SUN3: variants seen among roughly 807,000 people sequenced by gnomAD.
SUN3 encodes the protein SUN domain-containing protein 3.
A neutral mutation model predicts 48.2 loss-of-function variants in SUN3; 36 were observed. The observed-to-expected ratio is 0.75, with a 90% CI of 0.57 to 0.99. SUN3 has a LOEUF of 0.99. SUN3 is among the 50% of genes least tolerant of loss of function. SUN3 has a pLI of 0.00. For synonymous variants in SUN3, 148 were observed against 147.9 expected (o/e 1.00, Z 0.00); for missense variants, 419 against 433.1 (o/e 0.97, Z 0.29).
chr7:48,005,362 T>A (rs926546797), intron 6 of SUN3, among the ~76,000 whole-genome samples: 8 of 152,198 alleles, frequency 5.3e-5, no homozygotes, highest in African/African-American at 1.4e-4. Flanking sequence ...GAAATTTATT[T>A]CCCTGGCGTA....
intron 5 of SUN3, among the ~76,000 whole-genome samples, chr7:48,006,504 C>G (rs964325025): frequency 3.3e-5 from 5 of 152,112 alleles, no homozygotes; most frequent in African/African-American, 1.2e-4. Flanking sequence ...CATTTTTCAC[C>G]CAGTCTAATT....
intron 6 of SUN3, among the ~76,000 whole-genome samples, chr7:47,997,914 G>A (rs897869199): frequency 1.3e-5 from 2 of 152,202 alleles, no homozygotes; most frequent in Admixed American, 6.5e-5. Context: ...ATGAGTATCA[G>A]AAGTTCCTTC....
intron 2 of SUN3, 106 bp from the exon 3 acceptor site, chr7:48,017,471 T>C: frequency 1.5e-6 from 1 of 683,406 alleles, no homozygotes; most frequent in Non-Finnish European, 2.5e-6. Flanking sequence ...ATGTATACTC[T>C]TAAGAATATC....
chr7:48,026,087 A>G (rs967749935), intron 1 of SUN3, 149 bp from the exon 2 acceptor site: 2 of 614,052 alleles, frequency 3.3e-6, no homozygotes, highest in African/African-American at 3.7e-5. Flanking sequence ...TTAATTTCCA[A>G]TCCACTATTT....
At chr7:48,015,431 G>T (rs1408338477) in intron 3 of SUN3, among the ~76,000 whole-genome samples, 1 of 152,180 alleles carries the variant, frequency 6.6e-6, no homozygotes, top group Non-Finnish European at 1.5e-5. Flanking sequence ...TTCCTCACTG[G>T]ACTGGAATGC....
chr7:47,990,620 A>AG (rs1304121333), intron 8 of SUN3, among the ~76,000 whole-genome samples: 3 of 151,834 alleles, frequency 2.0e-5, no homozygotes, highest in African/African-American at 7.3e-5. Flanking sequence ...ACAGGTGGGG[A>AG]GGGGCAGGCC....
At chr7:48,017,502 G>A (rs1264383442) in intron 2 of SUN3, 137 bp from the exon 3 acceptor site, 3 of 627,204 alleles carry the variant, frequency 4.8e-6, no homozygotes, top group Non-Finnish European at 8.4e-6. Context: ...GTGACATCAT[G>A]GAAAATGGTG....
chr7:48,004,472 C>T (rs1000651868), intron 6 of SUN3, among the ~76,000 whole-genome samples: 1 of 152,190 alleles, frequency 6.6e-6, no homozygotes, highest in African/African-American at 2.4e-5. Flanking sequence ...AGGGGTTAGT[C>T]CAAGACTTGA....
At chr7:48,009,112 C>T in intron 3 of SUN3, 37 bp from the exon 4 acceptor site, 1 of 1,587,344 alleles carries the variant, frequency 6.3e-7, no homozygotes. Flanking sequence ...ATTCTGAATT[C>T]TGCTTATTCA....
At chr7:48,028,791 C>T (rs1007404046) in intron 1 of SUN3, 26 bp downstream of exon 1, 1 of 1,609,226 alleles carries the variant, frequency 6.2e-7, no homozygotes, top group South Asian at 1.1e-5. Context: ...CAATTTCAGG[C>T]ACACCGTTCT....
the SUN3 span, among the ~76,000 whole-genome samples, chr7:48,034,181 A>G: frequency 2.6e-5 from 4 of 152,262 alleles, no homozygotes; most frequent in African/African-American, 9.6e-5. Flanking sequence ...ATGCAGTGGA[A>G]CAAACATTTG....
chr7:47,988,926 G>A (rs1788973881), intron 8 of SUN3, 46 bp from the exon 9 acceptor site: 2 of 1,136,768 alleles, frequency 1.8e-6, no homozygotes, highest in Non-Finnish European at 2.6e-6. Context: ...AATGGATGCA[G>A]TTGTGTTTTC....
chr7:48,035,524 C>A, the SUN3 span: 24 of 697,722 alleles, frequency 3.4e-5, no homozygotes, highest in South Asian at 3.3e-4. The surrounding 1 kb of genome is among the most constrained non-coding windows in gnomAD (Gnocchi z 4.0). Context: ...GTTGTGGTTC[C>A]GCGGCGCGCT....
intron 1 of SUN3, 21 bp from the exon 2 acceptor site, chr7:48,025,959 AT>A: frequency 6.5e-7 from 1 of 1,541,886 alleles, no homozygotes; most frequent in Non-Finnish European, 8.9e-7. Flanking sequence ...AAAAACAATG[AT>A]TAGAAAAAGA....
intron 2 of SUN3, among the ~76,000 whole-genome samples, chr7:48,021,819 G>A (rs149550148): frequency 3.3e-4 from 50 of 152,254 alleles, no homozygotes; most frequent in African/African-American, 8.9e-4. Flanking sequence ...TACACTGTTG[G>A]TGGGAATGTA....
rs572755981 is a variant in SUN3, at chr7:48,010,652, C to CT, written c.289-1578dup. Among the ~76,000 whole-genome samples, 53 of 152,264 alleles carry CT rather than the reference C, an allele frequency of 3.5e-4. 1 individual carries two copies. The highest frequency in any genetic ancestry group is 2.3e-3 in the Admixed American group (35 of 15,294). On this transcript the variant is annotated intron_variant, in intron 3 of 9. Coordinates refer to ENST00000297325, the MANE Select transcript of SUN3 (RefSeq NM_001030019.2). ...AATTTGTCTCATCCACATACTCTCCCTGCCAGGTTGGGAAGCAGACACCTC... is the reference window on the plus strand; with the variant it reads ...AATTTGTCTCATCCACATACTCTCCCTTGCCAGGTTGGGAAGCAGACACCTC...
At chr7:48,005,194 T>A (rs10951940) in intron 6 of SUN3, among the ~76,000 whole-genome samples, 68,289 of 151,442 alleles carry the variant, frequency 0.45, 15,824 homozygotes, top group African/African-American at 0.57. Flanking sequence ...AACCAAAAAA[T>A]CCCAACTATG....
chr7:47,996,194 T>A, intron 6 of SUN3, 48 bp from the exon 7 acceptor site: 1 of 995,778 alleles, frequency 1.0e-6, no homozygotes, highest in South Asian at 1.6e-5. Flanking sequence ...CATACACAAT[T>A]CAAAACACAT....
intron 2 of SUN3, among the ~76,000 whole-genome samples, chr7:48,024,462 T>C (rs1171115112): frequency 6.6e-6 from 1 of 151,854 alleles, no homozygotes; most frequent in Non-Finnish European, 1.5e-5. Flanking sequence ...TGATGAAACA[T>C]GACTTTTCAT....
Sources: allele counts gnomAD v4.1 joint callset (sites outside exome capture counted in the v4.1 genomes callset), GRCh38; gene constraint gnomAD v4.1.1; non-coding constraint Gnocchi (gnomAD v3.1); transcripts MANE v1.5; gene names NCBI Gene and HGNC (gene_info 2026-07-23, HGNC 2026-07-21).